Variants in PTPRD observed in about 807,000 individuals in gnomAD.
PTPRD encodes the protein protein tyrosine phosphatase receptor type D.
Under a neutral mutation model 214.5 loss-of-function variants are expected in PTPRD, and 34 were observed. The observed-to-expected ratio is 0.16, with a 90% CI of 0.12 to 0.21. The LOEUF is 0.21. Ranked by LOEUF, PTPRD falls within the 10% of genes least tolerant of loss-of-function variation. The pLI is 1.00. For synonymous variants in PTPRD, 1,128 were observed against 845.7 expected (o/e 1.33, Z -5.79); for missense variants, 2,545 against 2,398.7 (o/e 1.06, Z -1.27).
intron 4 of PTPRD, among the ~76,000 whole-genome samples, chr9:10,018,090 T>G (rs1305822403): frequency 6.6e-6 from 1 of 152,018 alleles, no homozygotes. Context: ...CATTACTAGA[T>G]TATTAGGTTA....
At chr9:10,556,306 T>G (rs1466486872) in intron 2 of PTPRD, among the ~76,000 whole-genome samples, 3 of 151,942 alleles carry the variant, frequency 2.0e-5, no homozygotes, top group African/African-American at 7.2e-5. Flanking sequence ...ACAATGTATG[T>G]GATCTTAATA....
chr9:9,292,198 C>T (rs190106595), intron 9 of PTPRD, among the ~76,000 whole-genome samples: 2 of 150,836 alleles, frequency 1.3e-5, no homozygotes, highest in Non-Finnish European at 3.0e-5. Context: ...TTTTTCTTTC[C>T]CATATCTCTC....
chr9:10,292,282 G>T (rs1166172857), intron 3 of PTPRD, among the ~76,000 whole-genome samples: 1 of 151,948 alleles, frequency 6.6e-6, no homozygotes, highest in Non-Finnish European at 1.5e-5. Flanking sequence ...CAATGTCTCT[G>T]AAATCAGACT....
At chr9:9,437,082 T>C (rs2085581841) in intron 8 of PTPRD, among the ~76,000 whole-genome samples, 1 of 152,198 alleles carries the variant, frequency 6.6e-6, no homozygotes, top group Non-Finnish European at 1.5e-5. Context: ...TAATAAACTC[T>C]AATATTTTTG....
In PTPRD at chr9:10,122,210, A is replaced by C. The variant is rs140902127; in HGVS notation, c.-544-88420T>G. 1.1e-4 allele frequency among the ~76,000 whole-genome samples: 16 copies of C among 152,244 alleles called. No homozygotes were observed. The East Asian group carries it at 3.1e-3, about 29-fold the overall frequency. On this transcript the variant is annotated intron_variant, in intron 3 of 45. Transcript: ENST00000381196. ...GTAATCCCAGCTACTCGGGAGGCTG[A>C]GGCAGGAGAATCACTTGAACCTGGG...
In PTPRD at chr9:9,347,992, A is replaced by G. The variant is rs75061028; in HGVS notation, c.-203+49457T>C. 5.9e-3 allele frequency among the ~76,000 whole-genome samples: 906 copies of G among 152,294 alleles called. 6 individuals carry two copies. The highest frequency in any genetic ancestry group is 0.021 in the African/African-American group (877 of 41,582). ...AAGTGACCAAAAAAAATCAGAGAGT[A>G]TGTCACCAAATTTTAGACTTCTGTT... On this transcript the variant is annotated intron_variant, in intron 9 of 45. Coordinates refer to ENST00000381196, the MANE Select transcript of PTPRD (RefSeq NM_002839.4).
At chr9:9,605,290 C>T (rs1429597650) in intron 7 of PTPRD, among the ~76,000 whole-genome samples, 1 of 152,002 alleles carries the variant, frequency 6.6e-6, no homozygotes, top group Non-Finnish European at 1.5e-5. Context: ...ATGATTGAAA[C>T]ATGTTTAGTA....
At chr9:10,268,697 T>C (rs2498631) in intron 3 of PTPRD, among the ~76,000 whole-genome samples, 28,856 of 152,124 alleles carry the variant, frequency 0.19, 2,875 homozygotes, top group East Asian at 0.25. Flanking sequence ...AAATCCCCTT[T>C]CTAGTACTAT....
intron 36 of PTPRD, among the ~76,000 whole-genome samples, chr9:8,399,487 T>C (rs1190105036): frequency 6.6e-6 from 1 of 152,180 alleles, no homozygotes; most frequent in African/African-American, 2.4e-5. Context: ...TTGTTTAAAC[T>C]GAAATTTAGT....
At chr9:10,183,968 T>C (rs1169504520) in intron 3 of PTPRD, among the ~76,000 whole-genome samples, 2 of 152,218 alleles carry the variant, frequency 1.3e-5, no homozygotes, top group Admixed American at 6.5e-5. Context: ...TCTTCAAGCA[T>C]TTTAAATTCA....
At chr9:9,435,340 C>T (rs570917090) in intron 8 of PTPRD, among the ~76,000 whole-genome samples, 2 of 150,712 alleles carry the variant, frequency 1.3e-5, no homozygotes, top group East Asian at 2.0e-4. Flanking sequence ...GTGAGAACCC[C>T]CCCACCCCAC....
chr9:8,717,001 A>C (rs1326222221), intron 12 of PTPRD, among the ~76,000 whole-genome samples: 1 of 152,072 alleles, frequency 6.6e-6, no homozygotes, highest in Non-Finnish European at 1.5e-5. Flanking sequence ...CCCCTTGTCT[A>C]CAAAATAATA....
rs1214041020 is a variant in PTPRD at position 10,266,855 on chromosome 9, G to C, written c.-545+74108C>G. On this transcript the variant is annotated intron_variant, in intron 3 of 45. Transcript: ENST00000381196. The stretch of plus-strand genomic sequence containing the variant: ...TCTGGAAGTTGTCAAACTATTGTCA[G>C]AAAACTTCATGAAGAAACCAGGGAA... 2.0e-5 allele frequency among the ~76,000 whole-genome samples: 3 copies of C among 152,092 alleles called. No homozygotes were observed. The East Asian group carries it at 5.8e-4, about 29-fold the overall frequency.
chr9:8,517,932 T>A lies in PTPRD; in HGVS notation c.1459A>T (p.Thr487Ser), dbSNP rs1392296908. ...TTIGNLVPQK[T>S]YSVKVLAFTS... Reference sequence around the variant, plus strand: ...AAAGCCAGGACTTTGACAGAATATGTTTTCTGGGGCACTAAGTTGCCAATA... The same window carrying A: ...AAAGCCAGGACTTTGACAGAATATGATTTCTGGGGCACTAAGTTGCCAATA... Residue 487 changes from threonine to serine, a missense_variant, in exon 21 of 46, where the codon ACA (threonine) becomes TCA (serine). Coordinates refer to ENST00000381196, the MANE Select transcript of PTPRD (RefSeq NM_002839.4). The A allele has an allele frequency of 6.2e-7, 1 of 1,614,152 alleles. No individual in the cohort carries two copies. The highest frequency in any genetic ancestry group is 8.5e-7 in the Non-Finnish European group (1 of 1,180,014).
At chr9:10,060,458 T>C (rs1275858640) in intron 3 of PTPRD, among the ~76,000 whole-genome samples, 1 of 152,076 alleles carries the variant, frequency 6.6e-6, no homozygotes, top group Non-Finnish European at 1.5e-5. Flanking sequence ...GGTCAGCTCA[T>C]GTGTGTAAAA....
intron 10 of PTPRD, among the ~76,000 whole-genome samples, chr9:9,178,830 A>T (rs919511710): frequency 4.6e-5 from 7 of 152,110 alleles, no homozygotes; most frequent in Non-Finnish European, 8.8e-5. Context: ...CTCTGGGAAC[A>T]TCCTGCTGAG....
intron 5 of PTPRD, among the ~76,000 whole-genome samples, chr9:9,769,244 C>G (rs2098731732): frequency 6.7e-6 from 1 of 148,956 alleles, no homozygotes; most frequent in African/African-American, 2.5e-5. Context: ...ACCAGAAGCC[C>G]TTTTATACAC....
chr9:10,402,929 T>C lies in PTPRD; in HGVS notation c.-599-61912A>G, dbSNP rs531626205. Among the ~76,000 whole-genome samples the C allele has an allele frequency of 1.6e-4, 25 of 151,638 alleles. No individual in the cohort carries two copies. The East Asian group carries it at 4.7e-3, about 29-fold the overall frequency. ...TACCTAGCCATTAGATCTGTTTGAA[T>C]TGGTGTGCTTCTTTCGCTTTTCACC... On this transcript the variant is annotated intron_variant, in intron 2 of 45. Coordinates refer to ENST00000381196, the MANE Select transcript of PTPRD (RefSeq NM_002839.4).
chr9:10,111,886 A>G (rs2098694434), intron 3 of PTPRD, among the ~76,000 whole-genome samples: 1 of 152,222 alleles, frequency 6.6e-6, no homozygotes, highest in African/African-American at 2.4e-5. Context: ...GATTGCATAC[A>G]TAAAGACAAT....
Sources: gnomAD v4.1 joint callset for allele counts (sites outside exome capture counted in the v4.1 genomes callset) on GRCh38, gnomAD v4.1.1 for gene constraint, MANE v1.5 for transcripts, NCBI Gene and HGNC (gene_info 2026-07-23, HGNC 2026-07-21) for gene names.